Variants in ZBTB20 observed in about 807,000 individuals in gnomAD.
ZBTB20 encodes zinc finger and BTB domain containing 20, also known as zinc finger and BTB domain-containing protein 20.
A neutral mutation model predicts 56.9 loss-of-function variants in ZBTB20; 9 were observed. The ratio of observed to expected loss-of-function variants is 0.16; its 90% CI spans 0.10 to 0.28. The LOEUF (loss-of-function observed/expected upper bound fraction) is 0.28, where lower values mean the gene tolerates loss of function less well. Ranked by LOEUF, ZBTB20 falls within the 10% of genes least tolerant of loss-of-function variation. The pLI is 1.00. For synonymous variants in ZBTB20, 417 were observed against 420.7 expected (o/e 0.99, Z 0.11); for missense variants, 655 against 1,003.0 (o/e 0.65, Z 4.69).
intron 6 of ZBTB20, among the ~76,000 whole-genome samples, chr3:114,616,908 A>C (rs561543604): frequency 2.0e-5 from 3 of 152,236 alleles, no homozygotes; most frequent in Non-Finnish European, 4.4e-5. Context: ...CTCCATGCCC[A>C]GCCCAAAGGT....
chr3:114,444,918 T>A (rs1267556273), intron 7 of ZBTB20, among the ~76,000 whole-genome samples: 1 of 152,178 alleles, frequency 6.6e-6, no homozygotes, highest in Non-Finnish European at 1.5e-5. Flanking sequence ...AATATATATG[T>A]ATTTTCAAAT....
chr3:114,594,941 C>G (rs1218867604), intron 6 of ZBTB20, among the ~76,000 whole-genome samples: 2 of 152,212 alleles, frequency 1.3e-5, no homozygotes, highest in Non-Finnish European at 2.9e-5. Context: ...GCATGTTAGT[C>G]TAATGTATAA....
rs1480562759 is a variant in ZBTB20 at position 114,924,731 on chromosome 3, A to G, written c.-455-24389T>C. Among the ~76,000 whole-genome samples, 6 of 152,164 alleles carry G rather than the reference A, an allele frequency of 3.9e-5. No individual in the cohort carries two copies. The East Asian group carries it at 7.7e-4, about 20-fold the overall frequency. ...CAATCACAATGCACACTTTCACTATATACAATCTTTGTCAATTAAATATTT... is the reference window on the plus strand; with the variant it reads ...CAATCACAATGCACACTTTCACTATGTACAATCTTTGTCAATTAAATATTT... On this transcript the variant is annotated intron_variant, in intron 3 of 11. Transcript: ENST00000675478.
intron 6 of ZBTB20, among the ~76,000 whole-genome samples, chr3:114,535,126 G>T (rs373886504): frequency 6.6e-6 from 1 of 151,940 alleles, no homozygotes; most frequent in East Asian, 1.9e-4. Context: ...CAGAAGAGAA[G>T]AAATAACTAA....
intron 4 of ZBTB20, among the ~76,000 whole-genome samples, chr3:114,822,162 T>C (rs1307018036): frequency 6.6e-6 from 1 of 152,098 alleles, no homozygotes; most frequent in South Asian, 2.1e-4. Flanking sequence ...TGGGGAATAA[T>C]AGATTTCATA....
intron 2 of ZBTB20, among the ~76,000 whole-genome samples, chr3:114,995,034 A>C (rs924593654): frequency 1.3e-5 from 2 of 151,938 alleles, no homozygotes; most frequent in Non-Finnish European, 2.9e-5. Flanking sequence ...TTAAGTAAAC[A>C]AAACTGCACC....
chr3:114,517,748 G>T (rs1212362025), intron 6 of ZBTB20, among the ~76,000 whole-genome samples: 1 of 151,932 alleles, frequency 6.6e-6, no homozygotes, highest in Non-Finnish European at 1.5e-5. Flanking sequence ...GCTAATTTTT[G>T]TATTTTTAGT....
chr3:114,470,875 A>G (rs2040047024), intron 7 of ZBTB20, among the ~76,000 whole-genome samples: 1 of 152,158 alleles, frequency 6.6e-6, no homozygotes, highest in African/African-American at 2.4e-5. Context: ...ACGACTCTAA[A>G]ATTCATCTTT....
At chr3:114,895,909 T>C (rs1277394729) in intron 4 of ZBTB20, among the ~76,000 whole-genome samples, 1 of 152,142 alleles carries the variant, frequency 6.6e-6, no homozygotes, top group East Asian at 1.9e-4. Context: ...TACTGAATAA[T>C]GGAGCTAGAC....
At chr3:114,765,039 A>C (rs1298328429) in intron 5 of ZBTB20, among the ~76,000 whole-genome samples, 1 of 152,214 alleles carries the variant, frequency 6.6e-6, no homozygotes, top group Admixed American at 6.5e-5. Context: ...GATATCTGTA[A>C]GAAATGATGG....
intron 1 of ZBTB20, among the ~76,000 whole-genome samples, chr3:115,117,691 A>T (rs1344228668): frequency 1.3e-5 from 2 of 152,032 alleles, no homozygotes; most frequent in African/African-American, 4.8e-5. Context: ...CTAGCTTGTG[A>T]TATACAATAT....
At chr3:114,730,128 A>G (rs2108535723) in intron 5 of ZBTB20, among the ~76,000 whole-genome samples, 1 of 152,064 alleles carries the variant, frequency 6.6e-6, no homozygotes, top group African/African-American at 2.4e-5. Flanking sequence ...ATGACAGAAT[A>G]TCAGTGTTAG....
chr3:114,413,170 T>C (rs1217430064), intron 7 of ZBTB20, among the ~76,000 whole-genome samples: 7 of 152,110 alleles, frequency 4.6e-5, no homozygotes, highest in Non-Finnish European at 1.0e-4. Flanking sequence ...TGACATAAGA[T>C]GAAGATTTCT....
chr3:114,399,540 T>G (rs574230685), intron 7 of ZBTB20, among the ~76,000 whole-genome samples: 1 of 152,294 alleles, frequency 6.6e-6, no homozygotes, highest in South Asian at 2.1e-4. Context: ...GAATTTTTAT[T>G]GCAGGAGATT....
chr3:114,987,007 A>T (rs530135228), intron 2 of ZBTB20, among the ~76,000 whole-genome samples: 39 of 152,252 alleles, frequency 2.6e-4, no homozygotes, highest in African/African-American at 9.1e-4. Context: ...GTGTCAAAAT[A>T]TTTTTGTAGC....
At chr3:114,597,194 A>G (rs1399769036) in intron 6 of ZBTB20, among the ~76,000 whole-genome samples, 3 of 152,166 alleles carry the variant, frequency 2.0e-5, no homozygotes, top group Admixed American at 6.6e-5. Flanking sequence ...TCTTCTCCAC[A>G]GTCCTACTGA....
At chr3:114,630,728 C>T (rs1384627011) in intron 6 of ZBTB20, among the ~76,000 whole-genome samples, 1 of 152,178 alleles carries the variant, frequency 6.6e-6, no homozygotes, top group Non-Finnish European at 1.5e-5. Context: ...TCTCTACTGA[C>T]AAAGCACCCT....
At chr3:114,753,304 A>G in intron 5 of ZBTB20, among the ~76,000 whole-genome samples, 1 of 143,970 alleles carries the variant, frequency 6.9e-6, no homozygotes, top group South Asian at 2.2e-4. Flanking sequence ...ATACCTGTAT[A>G]TATAATGTAT....
At chr3:114,787,537 A>G (rs1056871455) in intron 5 of ZBTB20, among the ~76,000 whole-genome samples, 3 of 151,590 alleles carry the variant, frequency 2.0e-5, no homozygotes, top group African/African-American at 7.3e-5. Context: ...CAAAACTATA[A>G]TGATAAAAAG....
Sources: gnomAD v4.1 joint callset for allele counts (sites outside exome capture counted in the v4.1 genomes callset) on GRCh38, gnomAD v4.1.1 for gene constraint, MANE v1.5 for transcripts, NCBI Gene and HGNC (gene_info 2026-07-23, HGNC 2026-07-21) for gene names.